Variants in CRTAC1 observed in about 807,000 individuals in gnomAD.
The protein encoded by CRTAC1 is acidic secreted protein in cartilage.
CRTAC1 carries 37 observed loss-of-function variants against 67.8 expected under a neutral mutation model. The ratio of observed to expected loss-of-function variants is 0.55; its 90% CI spans 0.42 to 0.72. The LOEUF (loss-of-function observed/expected upper bound fraction) is 0.72, where lower values mean the gene tolerates loss of function less well. Ranked by LOEUF, CRTAC1 falls within the 30% of genes least tolerant of loss-of-function variation. The pLI is 0.00. For synonymous variants in CRTAC1, 348 were observed against 371.0 expected, an observed-to-expected ratio of 0.94 and a Z score of 0.71; for missense variants, 780 against 931.6, an observed-to-expected ratio of 0.84 and a Z score of 2.12.
intron 2 of CRTAC1, among the ~76,000 whole-genome samples, chr10:97,988,322 C>A (rs545693495): frequency 6.6e-6 from 1 of 152,130 alleles, no homozygotes; most frequent in Non-Finnish European, 1.5e-5. Flanking sequence ...TCTGACTAAT[C>A]CAGTTCATTA....
intron 2 of CRTAC1, among the ~76,000 whole-genome samples, chr10:97,962,618 G>A (rs1407102244): frequency 6.6e-6 from 1 of 152,182 alleles, no homozygotes; most frequent in Admixed American, 6.5e-5. Context: ...GCAATGCCGT[G>A]GGGACCAGGG....
intron 14 of CRTAC1, among the ~76,000 whole-genome samples, chr10:97,874,123 G>C (rs1296535188): frequency 6.6e-6 from 1 of 152,208 alleles, no homozygotes; most frequent in South Asian, 2.1e-4. Flanking sequence ...AGGAGCAGCC[G>C]GCAACCCGGC....
chr10:97,908,271 A>C, intron 5 of CRTAC1, 124 bp from the exon 6 acceptor site: 1 of 1,025,604 alleles, frequency 9.8e-7, no homozygotes, highest in South Asian at 1.6e-5. Context: ...CCTGGGGGGA[A>C]TTCTGCTTCC....
chr10:97,917,031 C>T (rs1041598248), intron 5 of CRTAC1, among the ~76,000 whole-genome samples: 4 of 152,192 alleles, frequency 2.6e-5, no homozygotes, highest in African/African-American at 9.6e-5. Flanking sequence ...CGGGACCCAG[C>T]TGAAGCCTAG....
chr10:97,955,675 T>G (rs1426344567), intron 2 of CRTAC1, among the ~76,000 whole-genome samples: 1 of 152,256 alleles, frequency 6.6e-6, no homozygotes, highest in Non-Finnish European at 1.5e-5. Context: ...CAGGCAGCTC[T>G]GGCTGTATTT....
chr10:97,935,562 T>C (rs2051073401), intron 3 of CRTAC1, among the ~76,000 whole-genome samples: 1 of 152,266 alleles, frequency 6.6e-6, no homozygotes, highest in Admixed American at 6.5e-5. Flanking sequence ...GGATGCACAC[T>C]TCAGTTCGGG....
intron 13 of CRTAC1, among the ~76,000 whole-genome samples, chr10:97,882,402 C>A (rs747074785): frequency 6.6e-6 from 1 of 152,214 alleles, no homozygotes; most frequent in Non-Finnish European, 1.5e-5. Flanking sequence ...GCCCCAATGC[C>A]CTTGGCAATG....
intron 2 of CRTAC1, among the ~76,000 whole-genome samples, chr10:97,943,914 A>T (rs950374053): frequency 6.6e-6 from 1 of 152,256 alleles, no homozygotes; most frequent in African/African-American, 2.4e-5. Flanking sequence ...TGTCAGCCTT[A>T]TAGTATGAGT....
intron 5 of CRTAC1, among the ~76,000 whole-genome samples, chr10:97,914,628 A>G (rs1197643622): frequency 6.6e-6 from 1 of 152,078 alleles, no homozygotes; most frequent in Non-Finnish European, 1.5e-5. Flanking sequence ...GGCATGCCCA[A>G]GGTCACTGGG....
intron 2 of CRTAC1, among the ~76,000 whole-genome samples, chr10:97,942,465 G>T (rs1228027456): frequency 1.3e-5 from 2 of 152,110 alleles, no homozygotes; most frequent in East Asian, 1.9e-4. Flanking sequence ...ACCAAGAATT[G>T]GTGTCCTGGG....
At chr10:97,914,597 A>G (rs564656567) in intron 5 of CRTAC1, among the ~76,000 whole-genome samples, 3 of 152,228 alleles carry the variant, frequency 2.0e-5, no homozygotes, top group African/African-American at 4.8e-5. Context: ...TGCTAGTTCA[A>G]TGTCCTCAGA....
chr10:97,903,672 C>T (rs992756062), intron 7 of CRTAC1, among the ~76,000 whole-genome samples: 4 of 152,238 alleles, frequency 2.6e-5, no homozygotes, highest in African/African-American at 7.2e-5. Context: ...TTTGGCAGAC[C>T]TAGGTATCTG....
chr10:97,870,098 A>G (rs1274025533), intron 14 of CRTAC1: 1 of 152,192 alleles, frequency 6.6e-6, no homozygotes, highest in Admixed American at 6.5e-5. Context: ...CTTGGTGGCA[A>G]TGGATGTCAA....
At chr10:98,026,282 A>G (rs1843231039) in intron 1 of CRTAC1, among the ~76,000 whole-genome samples, 2 of 152,188 alleles carry the variant, frequency 1.3e-5, no homozygotes, top group Non-Finnish European at 1.5e-5. Flanking sequence ...CGGAGACCAG[A>G]TTCTAAGCCT....
rs34404296 is a variant in CRTAC1 at position 97,895,957 on chromosome 10, G to A, written c.1245C>T (p.Asp415=). The A allele has an allele frequency of 7.1e-3, 11,506 of 1,613,982 alleles. 59 individuals are homozygous for A. Among genetic ancestry groups the A allele is most frequent in the Non-Finnish European group, 8.8e-3 (10,346 of 1,179,886 alleles). Residue 415 remains aspartate, a synonymous_variant, in exon 10 of 15, where the codon GAC becomes GAT. Transcript: ENST00000370597. This position sits in a 1 kb window ranked among gnomAD's most constrained non-coding sequence, Gnocchi z 4.2. ...TGGVVTDFDG[D]GMLDLILSHG... is the part of the protein sequence containing the mutation. ...GGGACAAGATGAGGTCCAGCATCCCGTCTCCGTCGAAGTCGGTCACCACAC... is the reference window on the plus strand; with the variant it reads ...GGGACAAGATGAGGTCCAGCATCCCATCTCCGTCGAAGTCGGTCACCACAC...
chr10:97,910,061 G>A (rs1400218886), intron 5 of CRTAC1, among the ~76,000 whole-genome samples: 1 of 151,518 alleles, frequency 6.6e-6, no homozygotes, highest in Non-Finnish European at 1.5e-5. Context: ...GGGTAGGGGT[G>A]TTGGGGAAAT....
chr10:97,895,941 T>G lies in CRTAC1; in HGVS notation c.1261A>C (p.Ile421Leu). 6.2e-7 allele frequency: 1 copy of G among 1,614,132 alleles called. No individual in the cohort carries two copies. Among genetic ancestry groups the G allele is most frequent in the Non-Finnish European group, 8.5e-7 (1 of 1,179,996 alleles). Residue 421 changes from isoleucine to leucine, a missense_variant, in exon 10 of 15, where the codon ATC becomes CTC. Physicochemically the swap from Ile to Leu is conservative, Grantham distance 5. Coordinates refer to ENST00000370597, the MANE Select transcript of CRTAC1 (RefSeq NM_018058.7). This position sits in a 1 kb window ranked among gnomAD's most constrained non-coding sequence, Gnocchi z 4.2. Reference protein sequence around the residue: ...DFDGDGMLDLILSHGESMAQP... With the variant: ...DFDGDGMLDLLLSHGESMAQP... ...GCCATGGACTCTCCATGGGACAAGA[T>G]GAGGTCCAGCATCCCGTCTCCGTCG...
chr10:97,914,619 G>C (rs749644093), intron 5 of CRTAC1, among the ~76,000 whole-genome samples: 10 of 152,188 alleles, frequency 6.6e-5, no homozygotes, highest in Admixed American at 4.6e-4. Flanking sequence ...AAGCTGAGGG[G>C]CATGCCCAAG....
At chr10:97,912,982 C>A (rs2050708899) in intron 5 of CRTAC1, among the ~76,000 whole-genome samples, 1 of 152,196 alleles carries the variant, frequency 6.6e-6, no homozygotes, top group South Asian at 2.1e-4. Context: ...GGCCAGGGAA[C>A]TTGGCCATCT....
Sources: allele counts gnomAD v4.1 joint callset (sites outside exome capture counted in the v4.1 genomes callset), GRCh38; gene constraint gnomAD v4.1.1; non-coding constraint Gnocchi (gnomAD v3.1); transcripts MANE v1.5; gene names NCBI Gene and HGNC (gene_info 2026-07-23, HGNC 2026-07-21).